STK32B: variants seen among roughly 807,000 people sequenced by gnomAD.
STK32B encodes serine/threonine kinase 32B.
STK32B carries 43 observed loss-of-function variants against 52.6 expected under a neutral mutation model. That is an observed-to-expected ratio of 0.82 (90% CI 0.64 to 1.05). The LOEUF (loss-of-function observed/expected upper bound fraction) is 1.05, where lower values mean the gene tolerates loss of function less well. STK32B is among the 50% of genes least tolerant of loss of function. The pLI is 0.00. For missense variants in STK32B, 621 were observed against 534.6 expected (o/e 1.16, Z -1.59); for synonymous variants, 238 against 204.3 (o/e 1.17, Z -1.41).
At chr4:5,447,573 C>T (rs1715574925) in intron 7 of STK32B, among the ~76,000 whole-genome samples, 1 of 152,190 alleles carries the variant, frequency 6.6e-6, no homozygotes, top group African/African-American at 2.4e-5. Flanking sequence ...GAGGTCAAGG[C>T]TGCAGTGAGC....
chr4:5,404,929 C>T (rs1737558965), intron 5 of STK32B, among the ~76,000 whole-genome samples: 2 of 144,698 alleles, frequency 1.4e-5, no homozygotes, highest in South Asian at 4.6e-4. Flanking sequence ...TGCGGCGGTG[C>T]CATCTCGGCT....
intron 3 of STK32B, among the ~76,000 whole-genome samples, chr4:5,261,748 GTTA>G (rs561443083): frequency 1.3e-5 from 2 of 152,044 alleles, no homozygotes; most frequent in African/African-American, 4.8e-5. Flanking sequence ...TATTATTATT[GTTA>G]TTATTATTAC....
chr4:5,320,023 T>C (rs1731382503), intron 3 of STK32B, among the ~76,000 whole-genome samples: 1 of 152,182 alleles, frequency 6.6e-6, no homozygotes, highest in Non-Finnish European at 1.5e-5. Flanking sequence ...TTTCTAGCCT[T>C]TGCATTTACA....
At chr4:5,308,831 C>A (rs758876534) in intron 3 of STK32B, among the ~76,000 whole-genome samples, 4 of 152,086 alleles carry the variant, frequency 2.6e-5, no homozygotes, top group Non-Finnish European at 5.9e-5. Flanking sequence ...CCCCTAATAT[C>A]TGGAACCAGA....
At chr4:5,263,644 A>G (rs1726872751) in intron 3 of STK32B, among the ~76,000 whole-genome samples, 2 of 152,138 alleles carry the variant, frequency 1.3e-5, no homozygotes, top group African/African-American at 2.4e-5. Flanking sequence ...TTTTCCCTAA[A>G]CAGTATTTTA....
intron 1 of STK32B, among the ~76,000 whole-genome samples, chr4:5,073,912 T>C (rs1711924247): frequency 1.3e-5 from 2 of 152,084 alleles, no homozygotes; most frequent in Admixed American, 1.3e-4. Context: ...CTTTTATCAG[T>C]TTCCCTATGA....
chr4:5,384,728 C>G (rs1392170065), intron 4 of STK32B, among the ~76,000 whole-genome samples: 1 of 152,002 alleles, frequency 6.6e-6, no homozygotes, highest in Non-Finnish European at 1.5e-5. Flanking sequence ...TCGGTGATGA[C>G]CCTGATGGAT....
intron 3 of STK32B, among the ~76,000 whole-genome samples, chr4:5,268,540 TG>T (rs1325335996): frequency 2.8e-4 from 2 of 7,256 alleles, no homozygotes; most frequent in Non-Finnish European, 5.0e-4. Context: ...CTTGGTGTGG[TG>T]TGTGTGTGTG....
intron 6 of STK32B, 56 bp from the exon 7 acceptor site, chr4:5,446,617 G>T: frequency 6.7e-7 from 1 of 1,489,540 alleles, no homozygotes; most frequent in African/African-American, 1.4e-5. Flanking sequence ...TCTCTAAGGG[G>T]TGGTGGCCAT....
chr4:5,058,905 C>T lies in STK32B; in HGVS notation c.52+6990C>T, dbSNP rs1224718108. 6.6e-6 allele frequency among the ~76,000 whole-genome samples: 1 copy of T among 152,098 alleles called. No individual in the cohort carries two copies. The highest frequency in any genetic ancestry group is 1.5e-5 in the Non-Finnish European group (1 of 67,996). The stretch of plus-strand genomic sequence containing the variant: ...ACCTGGGATTACAGGCAGGTGCCAC[C>T]ATGCCCAGCTAATTTTTGTATTTTT... On this transcript the variant is annotated intron_variant, in intron 1 of 11. Transcript: ENST00000282908. This position sits in a 1 kb window ranked among gnomAD's most constrained non-coding sequence, Gnocchi z 4.8.
intron 3 of STK32B, among the ~76,000 whole-genome samples, chr4:5,209,870 T>C (rs764139462): frequency 7.2e-5 from 11 of 152,172 alleles, no homozygotes; most frequent in African/African-American, 2.4e-5. Flanking sequence ...AATCAGGATA[T>C]GGCCCCCCAA....
At position 5,239,890 on chromosome 4, in the gene STK32B, C is replaced by T. The variant is rs542460170; in HGVS notation, c.260+71440C>T. Among the ~76,000 whole-genome samples the T allele has an allele frequency of 2.0e-5, 3 of 152,140 alleles. No individual in the cohort carries two copies. In the South Asian group the frequency reaches 6.2e-4, roughly 32 times the overall value. On this transcript the variant is annotated intron_variant, in intron 3 of 11. Transcript: ENST00000282908. ...TGATCGGTTCCAAATGCATCATGTA[C>T]ACTCTGCACCTTATCTCTGCCATTC...
intron 11 of STK32B, among the ~76,000 whole-genome samples, chr4:5,475,931 G>A (rs1170720621): frequency 1.3e-5 from 2 of 151,524 alleles, no homozygotes; most frequent in Admixed American, 6.6e-5. Flanking sequence ...AGTTTTGCTC[G>A]TCGCCCAGGC....
chr4:5,373,420 G>A (rs779910322), intron 4 of STK32B, among the ~76,000 whole-genome samples: 1 of 152,164 alleles, frequency 6.6e-6, no homozygotes, highest in Non-Finnish European at 1.5e-5. Context: ...TCCGAAGGTA[G>A]TAAAAAGCCA....
At chr4:5,135,304 T>C (rs981604637) in intron 1 of STK32B, among the ~76,000 whole-genome samples, 1 of 152,192 alleles carries the variant, frequency 6.6e-6, no homozygotes, top group Non-Finnish European at 1.5e-5. Flanking sequence ...ACAGAGAGCC[T>C]GAGTGACTTC....
At chr4:5,086,775 G>A (rs1354834056) in intron 1 of STK32B, among the ~76,000 whole-genome samples, 2 of 152,148 alleles carry the variant, frequency 1.3e-5, no homozygotes, top group African/African-American at 2.4e-5. Flanking sequence ...GAGGCCAGAA[G>A]GCAGTGAGAT....
intron 2 of STK32B, among the ~76,000 whole-genome samples, chr4:5,163,786 T>C (rs1043840281): frequency 2.0e-5 from 3 of 152,136 alleles, no homozygotes; most frequent in Non-Finnish European, 4.4e-5. Context: ...TTCTCCCTAT[T>C]TCTGAAATTC....
intron 3 of STK32B, among the ~76,000 whole-genome samples, chr4:5,315,035 A>G (rs1730570004): frequency 6.6e-6 from 1 of 152,148 alleles, no homozygotes; most frequent in Admixed American, 6.5e-5. Flanking sequence ...GGATTAAAAG[A>G]CAAGCTACAG....
chr4:5,249,288 G>A (rs940499000), intron 3 of STK32B, among the ~76,000 whole-genome samples: 5 of 152,068 alleles, frequency 3.3e-5, no homozygotes, highest in East Asian at 1.9e-4. Flanking sequence ...TATATAGAAC[G>A]GGGTTCAGAG....
Sources: gnomAD v4.1 joint callset for allele counts (sites outside exome capture counted in the v4.1 genomes callset) on GRCh38, gnomAD v4.1.1 for gene constraint, Gnocchi (gnomAD v3.1) non-coding constraint, MANE v1.5 for transcripts, NCBI Gene and HGNC (gene_info 2026-07-23, HGNC 2026-07-21) for gene names.